Variants in ADAMTS12 observed in about 807,000 individuals in gnomAD.
The protein encoded by ADAMTS12 is A disintegrin and metalloproteinase with thrombospondin motifs 12.
In ADAMTS12, 118 loss-of-function variants were observed where a neutral mutation model predicts 167.8. The ratio of observed to expected loss-of-function variants is 0.70; its 90% CI spans 0.61 to 0.82. ADAMTS12 has a LOEUF of 0.82. ADAMTS12 is among the 40% of genes least tolerant of loss of function. The pLI is 0.00. For synonymous variants in ADAMTS12, 704 were observed against 716.9 expected (o/e 0.98, Z 0.29); for missense variants, 1,916 against 1,998.8 (o/e 0.96, Z 0.79).
At chr5:33,777,999 A>C (rs1031798205) in intron 2 of ADAMTS12, among the ~76,000 whole-genome samples, 1 of 152,086 alleles carries the variant, frequency 6.6e-6, no homozygotes, top group Non-Finnish European at 1.5e-5. Flanking sequence ...GAAAACTGTA[A>C]ATCACTGATG....
intron 19 of ADAMTS12, among the ~76,000 whole-genome samples, chr5:33,565,777 T>C (rs1745986780): frequency 1.3e-5 from 2 of 152,048 alleles, no homozygotes; most frequent in Admixed American, 1.3e-4. Flanking sequence ...TCTTTGTATC[T>C]TGATTTACTA....
At chr5:33,639,757 G>C (rs1740371954) in intron 11 of ADAMTS12, among the ~76,000 whole-genome samples, 1 of 152,186 alleles carries the variant, frequency 6.6e-6, no homozygotes, top group South Asian at 2.1e-4. Context: ...GTCTAGTCAA[G>C]TACTGGTTGC....
intron 6 of ADAMTS12, among the ~76,000 whole-genome samples, chr5:33,658,789 T>G (rs573519471): frequency 1.3e-5 from 2 of 152,332 alleles, no homozygotes; most frequent in African/African-American, 4.8e-5. Flanking sequence ...ATGAAAAAGA[T>G]AGTTGGTCCC....
intron 2 of ADAMTS12, among the ~76,000 whole-genome samples, chr5:33,771,343 T>C (rs1480007828): frequency 4.6e-5 from 7 of 152,260 alleles, no homozygotes; most frequent in East Asian, 3.9e-4. Flanking sequence ...GTAAAGTTTT[T>C]AGCCTGTATG....
intron 2 of ADAMTS12, among the ~76,000 whole-genome samples, chr5:33,769,798 C>T (rs969110353): frequency 2.6e-5 from 4 of 152,122 alleles, no homozygotes; most frequent in Non-Finnish European, 5.9e-5. Context: ...GATGTGAGAC[C>T]TTACGCAAGT....
At chr5:33,649,270 C>T (rs943973665) in intron 8 of ADAMTS12, among the ~76,000 whole-genome samples, 3 of 152,152 alleles carry the variant, frequency 2.0e-5, no homozygotes, top group Admixed American at 6.5e-5. Flanking sequence ...CTGCCAGTTC[C>T]CAAGGACTTA....
chr5:33,836,247 A>T (rs1015226249), intron 2 of ADAMTS12, among the ~76,000 whole-genome samples: 1 of 152,148 alleles, frequency 6.6e-6, no homozygotes, highest in Non-Finnish European at 1.5e-5. Flanking sequence ...AGACTTCCTC[A>T]GCCTGAAGGA....
chr5:33,543,040 A>C (rs1744787206), intron 22 of ADAMTS12, among the ~76,000 whole-genome samples: 3 of 152,246 alleles, frequency 2.0e-5, no homozygotes. Context: ...AGATAGAGAT[A>C]CAACAAACCC....
chr5:33,588,756 T>C lies in ADAMTS12; in HGVS notation c.2708A>G (p.Glu903Gly), dbSNP rs1318158644. ...GATGCACAGCACGGTTCGCTTCTTC[T>C]CCCCGTGGGGCCCGCATGTCGCCGA... ...ACSATCGPHG[E>G]KKRTVLCIQT... The change falls in exon 18 of 24, where the codon GAG (glutamate) becomes GGG (glycine). Residue 903 changes from glutamate (E) to glycine (G), a missense_variant. Coordinates refer to ENST00000504830, the MANE Select transcript of ADAMTS12 (RefSeq NM_030955.4). The C allele has an allele frequency of 1.9e-6, 3 of 1,613,900 alleles. No homozygotes were observed. The highest frequency in any genetic ancestry group is 1.7e-6 in the Non-Finnish European group (2 of 1,179,984).
chr5:33,858,458 A>C lies in ADAMTS12; in HGVS notation c.489+22661T>G, dbSNP rs560305418. Among the ~76,000 whole-genome samples, 4 of 152,196 alleles carry C rather than the reference A, an allele frequency of 2.6e-5. No individual in the cohort carries two copies. The South Asian group carries it at 8.3e-4, about 32-fold the overall frequency. ...GATTGCTTGAGCCCAAGAACTCAAG[A>C]CCAGCCAAGGCAACATAGTGAGACC... On this transcript the variant is annotated intron_variant, in intron 2 of 23. Coordinates refer to ENST00000504830, the MANE Select transcript of ADAMTS12 (RefSeq NM_030955.4).
intron 2 of ADAMTS12, among the ~76,000 whole-genome samples, chr5:33,755,532 A>T (rs1745137357): frequency 1.3e-5 from 2 of 152,266 alleles, no homozygotes; most frequent in South Asian, 4.1e-4. Flanking sequence ...ATTTTACTTC[A>T]ATTAGTGACA....
chr5:33,833,889 TG>T (rs1283069573), intron 2 of ADAMTS12, among the ~76,000 whole-genome samples: 1 of 151,960 alleles, frequency 6.6e-6, no homozygotes, highest in African/African-American at 2.4e-5. Flanking sequence ...TAGGAAAAAA[TG>T]GGGCTACATT....
At chr5:33,593,920 A>G (rs1747774810) in intron 17 of ADAMTS12, among the ~76,000 whole-genome samples, 1 of 152,232 alleles carries the variant, frequency 6.6e-6, no homozygotes, top group South Asian at 2.1e-4. Flanking sequence ...CTGAACCTTT[A>G]TCTCCTCATA....
At chr5:33,713,591 T>A (rs757363724) in intron 3 of ADAMTS12, among the ~76,000 whole-genome samples, 22 of 152,044 alleles carry the variant, frequency 1.4e-4, no homozygotes, top group Middle Eastern at 3.4e-3. Context: ...CTAATGTGGG[T>A]TCCAAATAAA....
At chr5:33,825,921 G>T (rs528436649) in intron 2 of ADAMTS12, among the ~76,000 whole-genome samples, 1 of 152,274 alleles carries the variant, frequency 6.6e-6, no homozygotes, top group Admixed American at 6.5e-5. Flanking sequence ...AATCAAGTTT[G>T]GTCTAGATGC....
At chr5:33,869,484 A>G (rs1749957208) in intron 2 of ADAMTS12, among the ~76,000 whole-genome samples, 1 of 152,130 alleles carries the variant, frequency 6.6e-6, no homozygotes, top group Non-Finnish European at 1.5e-5. Context: ...GGTCCCCACT[A>G]GGGCACTGAC....
At chr5:33,707,891 G>C (rs1380246062) in intron 3 of ADAMTS12, among the ~76,000 whole-genome samples, 1 of 152,108 alleles carries the variant, frequency 6.6e-6, no homozygotes, top group Non-Finnish European at 1.5e-5. Flanking sequence ...CATAGGCATG[G>C]ACAAAGTCTT....
intron 3 of ADAMTS12, among the ~76,000 whole-genome samples, chr5:33,750,352 G>T (rs1297999672): frequency 6.6e-6 from 1 of 152,200 alleles, no homozygotes; most frequent in Non-Finnish European, 1.5e-5. Flanking sequence ...CTGCTAAGAT[G>T]ATAGACGAAA....
At chr5:33,548,056 G>A (rs2111825075) in intron 21 of ADAMTS12, among the ~76,000 whole-genome samples, 1 of 152,332 alleles carries the variant, frequency 6.6e-6, no homozygotes, top group Admixed American at 6.5e-5. Context: ...CAGTGTGGAT[G>A]CTTGGCCGGT....
Sources: allele counts gnomAD v4.1 joint callset (sites outside exome capture counted in the v4.1 genomes callset), GRCh38; gene constraint gnomAD v4.1.1; transcripts MANE v1.5; gene names NCBI Gene and HGNC (gene_info 2026-07-23, HGNC 2026-07-21).